Variants in GNPTAB observed in about 807,000 individuals in gnomAD.
GNPTAB encodes N-acetylglucosamine-1-phosphate transferase subunits alpha and beta.
Under a neutral mutation model 136.6 loss-of-function variants are expected in GNPTAB, and 92 were observed. That is an observed-to-expected ratio of 0.67 (90% confidence interval 0.57 to 0.80). The LOEUF (loss-of-function observed/expected upper bound fraction) is 0.80, where lower values mean the gene tolerates loss of function less well. Among genes scored for constraint, GNPTAB ranks in the 30% least tolerant of loss-of-function variants. The probability of loss-of-function intolerance (pLI) is 0.00; values close to 1 mark genes in which losing one functional copy is unlikely to be tolerated. For synonymous variants in GNPTAB, 512 were observed against 535.1 expected (o/e 0.96, Z 0.60); for missense variants, 1,343 against 1,501.8 (o/e 0.89, Z 1.75).
At chr12:101,823,223 G>A (rs762131813) in intron 1 of GNPTAB, among the ~76,000 whole-genome samples, 2 of 152,188 alleles carry the variant, frequency 1.3e-5, no homozygotes, top group African/African-American at 4.8e-5. Flanking sequence ...GTGCCATGAT[G>A]AACAAGGCCG....
chr12:101,780,659 T>A lies in GNPTAB; in HGVS notation c.572-38A>T, dbSNP rs781602985. 5.5e-6 allele frequency: 7 copies of A among 1,278,862 alleles called. No homozygotes were observed. In the African/African-American group the frequency reaches 1.0e-4, roughly 19 times the overall value. The allele number at this position is 1,278,862 out of a possible 1,614,324, so 79.2% of individuals were successfully genotyped here. On this transcript the variant is annotated intron_variant, in intron 5 of 20. Transcript: ENST00000299314. ...ATACAATAAACAAGCACATTTTTAA[T>A]GAATACTCAACTATGGTGTCTGGCA...
chr12:101,757,532 C>T lies in GNPTAB; in HGVS notation c.3335+40G>A, dbSNP rs201135024. The T allele has an allele frequency of 1.0e-4, 100 of 993,904 alleles. No individual in the cohort carries two copies. In the East Asian group the frequency reaches 2.3e-3, roughly 23 times the overall value. 61.6% of individuals were successfully genotyped at this position (993,904 alleles called of 1,614,324 possible). A position where few individuals can be genotyped will look rare whatever the true frequency, so the allele number is the denominator to read the frequency against. On this transcript the variant is annotated intron_variant, in intron 17 of 20. Transcript: ENST00000299314. Reference sequence around the variant, plus strand: ...TAAAAAAGCCAGACCTTTGTGATTACTCTTATACTAAACAAAGGGAGTATG... The same window carrying T: ...TAAAAAAGCCAGACCTTTGTGATTATTCTTATACTAAACAAAGGGAGTATG...
At chr12:101,796,318 T>A in intron 2 of GNPTAB, 1 of 702,322 alleles carries the variant, frequency 1.4e-6, no homozygotes, top group Non-Finnish European at 2.6e-6. Context: ...AACTACAAGG[T>A]GGGATTACTC....
At chr12:101,805,425 T>C (rs906458280) in intron 1 of GNPTAB, among the ~76,000 whole-genome samples, 1 of 152,222 alleles carries the variant, frequency 6.6e-6, no homozygotes, top group African/African-American at 2.4e-5. Flanking sequence ...TCTTGCTTTG[T>C]CACCCAGGCT....
At chr12:101,825,645 A>T (rs1288026615) in intron 1 of GNPTAB, among the ~76,000 whole-genome samples, 2 of 152,134 alleles carry the variant, frequency 1.3e-5, no homozygotes, top group Non-Finnish European at 2.9e-5. Context: ...AAACAAAGAG[A>T]CCCTTTAAAA....
At position 101,830,628 on chromosome 12, in the gene GNPTAB, G is replaced by T; in HGVS notation, c.48C>A (p.His16Gln). 3 of 1,612,830 alleles carry T rather than the reference G, an allele frequency of 1.9e-6. No individual in the cohort carries two copies. Among genetic ancestry groups the T allele is most frequent in the Non-Finnish European group, 1.7e-6 (2 of 1,179,100 alleles). Reference sequence around the variant, plus strand: ...AGAAGCACACGTAGAGCCCATACCTGTGGGACAGGCAGGTATAGGTCTGTC... The same window carrying T: ...AGAAGCACACGTAGAGCCCATACCTTTGGGACAGGCAGGTATAGGTCTGTC... The part of the protein sequence containing the change: ...LQRQTYTCLS[H>Q]RYGLYVCFLG... The change falls in exon 1 of 21, where the codon CAC becomes CAA. Residue 16 changes from histidine to glutamine, a missense_variant. By Grantham distance (24) the His-to-Gln change is conservative. Coordinates refer to ENST00000299314, the MANE Select transcript of GNPTAB (RefSeq NM_024312.5).
intron 15 of GNPTAB, 150 bp from the exon 16 acceptor site, chr12:101,760,293 T>A: frequency 1.6e-6 from 1 of 626,328 alleles, no homozygotes; most frequent in South Asian, 1.8e-5. Context: ...ATAAAGGCAC[T>A]CTAAGAAGAG....
intron 1 of GNPTAB, among the ~76,000 whole-genome samples, chr12:101,823,232 C>T (rs977118360): frequency 2.0e-5 from 3 of 151,998 alleles, no homozygotes; most frequent in Admixed American, 6.6e-5. Flanking sequence ...TGAACAAGGC[C>T]GAGTCTTAGG....
At chr12:101,794,353 A>G (rs1869160474) in intron 2 of GNPTAB, among the ~76,000 whole-genome samples, 1 of 152,122 alleles carries the variant, frequency 6.6e-6, no homozygotes, top group Non-Finnish European at 1.5e-5. Context: ...AACAACCTTA[A>G]AAAGATTTAT....
chr12:101,788,740 CA>C, intron 3 of GNPTAB, 151 bp from the exon 4 acceptor site: 1 of 646,714 alleles, frequency 1.5e-6, no homozygotes, highest in East Asian at 2.7e-5. Flanking sequence ...CTGGGAAAGT[CA>C]TATAACCTCT....
Position 101,746,713 on chromosome 12 carries a change from T to G in GNPTAB, c.*451A>C, listed in dbSNP as rs1347535509. 2 of 163,062 alleles carry G rather than the reference T, an allele frequency of 1.2e-5. No individual in the cohort carries two copies. The highest frequency in any genetic ancestry group is 2.7e-5 in the Non-Finnish European group (2 of 74,426). 10.1% of individuals were successfully genotyped at this position (163,062 alleles called of 1,614,324 possible). On this transcript the variant is annotated 3_prime_UTR_variant, in exon 21 of 21. Transcript: ENST00000299314. ...TATACTCAGAAGCAAGAATAACTAGTTAACTTAGTAACTACTTAAAAATGG... is the reference window on the plus strand; with the variant it reads ...TATACTCAGAAGCAAGAATAACTAGGTAACTTAGTAACTACTTAAAAATGG...
chr12:101,768,685 C>A (rs1168741217), intron 10 of GNPTAB, among the ~76,000 whole-genome samples: 1 of 152,166 alleles, frequency 6.6e-6, no homozygotes. Flanking sequence ...CACCTGCTCT[C>A]AGAATTAGTG....
chr12:101,750,136 AAGAGGC>A lies in GNPTAB; in HGVS notation c.3603-951_3603-946del, dbSNP rs1423729814. Among the ~76,000 whole-genome samples the A allele has an allele frequency of 3.3e-5, 5 of 152,348 alleles. No individual in the cohort carries two copies. The South Asian group carries it at 1.0e-3, about 32-fold the overall frequency. ...GAGCCAAGAGAATACTGAGGATAAA[AAGAGGC>A]AGTACAGCCATTTCCTCATCTGTAA... On this transcript the variant is annotated intron_variant, in intron 19 of 20. Transcript: ENST00000299314.
rs758840501 is a variant in GNPTAB, at chr12:101,765,142, G to A, written c.1775C>T (p.Ala592Val). ...DNPIIRHASI[A>V]NKWKTIHLIM... ...GAGGTGGATGGTTTTCCACTTGTTG[G>A]CAATAGAAGCATGTCGAATTATTGG... Residue 592 changes from alanine to valine, a missense_variant, in exon 13 of 21, where the codon GCC (alanine) becomes GTC (valine). By Grantham distance (64) the Ala-to-Val change is moderately conservative. Transcript: ENST00000299314. 5.0e-6 allele frequency: 8 copies of A among 1,614,122 alleles called. No homozygotes were observed. The East Asian group carries it at 1.8e-4, about 36-fold the overall frequency.
intron 1 of GNPTAB, among the ~76,000 whole-genome samples, chr12:101,804,343 GAA>G (rs778383859): frequency 7.2e-6 from 1 of 138,112 alleles, no homozygotes. Context: ...GAGAGAAAGA[GAA>G]AAAAAAAAAG....
Position 101,747,265 on chromosome 12 carries a change from A to C in GNPTAB, c.3694-24T>G, listed in dbSNP as rs1344950429. The C allele has an allele frequency of 2.2e-6, 3 of 1,337,074 alleles. No homozygotes were observed. In the Admixed American group the frequency reaches 5.0e-5, roughly 22 times the overall value. The allele number at this position is 1,337,074 out of a possible 1,614,324, so 82.8% of individuals were successfully genotyped here. On this transcript the variant is annotated intron_variant, in intron 20 of 20. Coordinates refer to ENST00000299314, the MANE Select transcript of GNPTAB (RefSeq NM_024312.5). Reference sequence around the variant, plus strand: ...AACTAAATGATGAAAGACAGAAAATACATTTTAATTCTCACGTTGATGAAA... The same window carrying C: ...AACTAAATGATGAAAGACAGAAAATCCATTTTAATTCTCACGTTGATGAAA...
intron 2 of GNPTAB, chr12:101,796,066 C>G: frequency 1.7e-6 from 1 of 585,130 alleles, no homozygotes; most frequent in Non-Finnish European, 3.0e-6. Context: ...AGGTATGAGG[C>G]TATTTGCTCC....
At chr12:101,811,831 G>A (rs1250876793) in intron 1 of GNPTAB, among the ~76,000 whole-genome samples, 1 of 151,438 alleles carries the variant, frequency 6.6e-6, no homozygotes, top group Non-Finnish European at 1.5e-5. Context: ...TAGAGATGGG[G>A]TTTCACCATG....
intron 1 of GNPTAB, among the ~76,000 whole-genome samples, chr12:101,822,075 G>C (rs1287986341): frequency 6.6e-6 from 1 of 152,156 alleles, no homozygotes; most frequent in South Asian, 2.1e-4. Flanking sequence ...TGAGCACGGC[G>C]GTGGCTGTGG....
Sources: gnomAD v4.1 joint callset for allele counts (sites outside exome capture counted in the v4.1 genomes callset) on GRCh38, gnomAD v4.1.1 for gene constraint, MANE v1.5 for transcripts, NCBI Gene and HGNC (gene_info 2026-07-23, HGNC 2026-07-21) for gene names.